The following ATP8A2 variants were observed in gnomAD, a reference collection of about 807,000 sequenced individuals.
The protein encoded by ATP8A2 is phospholipid-transporting ATPase IB.
In ATP8A2, 100 loss-of-function variants were observed where a neutral mutation model predicts 165.6. The observed-to-expected ratio is 0.60, with a 90% CI of 0.51 to 0.71. The LOEUF (loss-of-function observed/expected upper bound fraction) is 0.71, where lower values mean the gene tolerates loss of function less well. Among genes scored for constraint, ATP8A2 ranks in the 30% least tolerant of loss-of-function variants. The pLI, the probability that ATP8A2 is intolerant of heterozygous loss-of-function variation, is 0.00. For synonymous variants in ATP8A2, 543 were observed against 548.8 expected, an observed-to-expected ratio of 0.99 and a Z score of 0.15; for missense variants, 1,227 against 1,479.5, an observed-to-expected ratio of 0.83 and a Z score of 2.80.
chr13:25,554,011 A>T, intron 12 of ATP8A2, 91 bp downstream of exon 12: 1 of 1,370,222 alleles, frequency 7.3e-7, no homozygotes, highest in Non-Finnish European at 1.0e-6. Flanking sequence ...GAAGAACTAT[A>T]TTCATTTACC....
Position 25,645,482 on chromosome 13 carries a change from G to T in ATP8A2, c.2212-53691G>T, listed in dbSNP as rs554268828. ...GAGCTTAGTTTGTTCTTCTTTTTCT[G>T]TTTCCTTGAGGCATAATATTAAGTT... On this transcript the variant is annotated intron_variant, in intron 24 of 36. Transcript: ENST00000381655. Among the ~76,000 whole-genome samples the T allele has an allele frequency of 2.0e-5, 3 of 152,128 alleles. No homozygotes were observed. The South Asian group carries it at 6.2e-4, about 32-fold the overall frequency.
At chr13:25,505,264 C>T (rs1386193618) in intron 2 of ATP8A2, among the ~76,000 whole-genome samples, 1 of 151,826 alleles carries the variant, frequency 6.6e-6, no homozygotes, top group Non-Finnish European at 1.5e-5. Context: ...CTCTCTCTCT[C>T]AAGAGATCTA....
chr13:25,581,590 C>T lies in ATP8A2; in HGVS notation c.2008-229C>T, dbSNP rs116755312. Among the ~76,000 whole-genome samples the T allele has an allele frequency of 7.1e-3, 1,074 of 152,228 alleles. 16 individuals are homozygous for T. Among genetic ancestry groups the T allele is most frequent in the African/African-American group, 0.025 (1,039 of 41,536 alleles). On this transcript the variant is annotated intron_variant, in intron 22 of 36. Coordinates refer to ENST00000381655, the MANE Select transcript of ATP8A2 (RefSeq NM_016529.6). Reference sequence around the variant, plus strand: ...CTTCTATTCTAACAAGCCCCTGTATCAAGAAATCAGTGATGAGTACTGGGC... The same window carrying T: ...CTTCTATTCTAACAAGCCCCTGTATTAAGAAATCAGTGATGAGTACTGGGC...
At chr13:25,860,772 ATG>A (rs1443261994) in intron 31 of ATP8A2, 30 bp from the exon 32 acceptor site, 1 of 1,534,032 alleles carries the variant, frequency 6.5e-7, no homozygotes, top group Non-Finnish European at 8.9e-7. Flanking sequence ...ATTGAGAATA[ATG>A]TGTTTCCAAA....
At position 25,581,820 on chromosome 13, in the gene ATP8A2, A is replaced by G; in HGVS notation, c.2009A>G (p.Asn670Ser). 2 of 1,613,484 alleles carry G rather than the reference A, an allele frequency of 1.2e-6. No homozygotes were observed. The highest frequency in any genetic ancestry group is 1.7e-6 in the Non-Finnish European group (2 of 1,179,690). The stretch of plus-strand genomic sequence containing the variant: ...ACTGAGGATATTTTTTCAATGTAGA[A>G]TTTGCTGCTACTTGGAGCCACAGCC... ...LEECYEIIEK[N>S]LLLLGATAIE... The change falls in exon 23 of 37, where the codon AAT (asparagine) becomes AGT (serine). Residue 670 changes from asparagine (N) to serine (S), a missense_variant and splice_region_variant. By Grantham distance (46) the Asn-to-Ser change is conservative. This residue lies in a region of ATP8A2 where 592 missense variants were observed against 785.6 expected (regional missense o/e 0.75). Transcript: ENST00000381655.
At chr13:25,705,299 T>C (rs2043033917) in intron 25 of ATP8A2, 1 of 280,780 alleles carries the variant, frequency 3.6e-6, no homozygotes, top group South Asian at 3.3e-5. Context: ...GAATCATCAG[T>C]GACCCCCTGT....
At chr13:25,522,159 A>T (rs985630923) in intron 2 of ATP8A2, among the ~76,000 whole-genome samples, 74 of 152,136 alleles carry the variant, frequency 4.9e-4, no homozygotes, top group African/African-American at 1.8e-3. Context: ...GTGTATTAAT[A>T]GTTTTTCTTA....
intron 2 of ATP8A2, among the ~76,000 whole-genome samples, chr13:25,475,811 C>T (rs1025244493): frequency 2.0e-5 from 3 of 152,090 alleles, no homozygotes; most frequent in South Asian, 2.1e-4. Context: ...GCATGTGTGT[C>T]TTCTTTAGAA....
At chr13:25,547,426 G>C (rs2138030633) in intron 10 of ATP8A2, among the ~76,000 whole-genome samples, 1 of 152,186 alleles carries the variant, frequency 6.6e-6, no homozygotes, top group Non-Finnish European at 1.5e-5. Flanking sequence ...ACTCTGTTGT[G>C]AACTGCGCAT....
At chr13:25,831,693 A>T in intron 28 of ATP8A2, among the ~76,000 whole-genome samples, 1 of 151,652 alleles carries the variant, frequency 6.6e-6, no homozygotes. Flanking sequence ...AAGTACAAAC[A>T]TTAGCTGGGC....
chr13:25,687,499 A>AC (rs5802345), intron 24 of ATP8A2, among the ~76,000 whole-genome samples: 152,231 of 152,232 alleles, frequency 1, 76,115 homozygotes, highest in Non-Finnish European at 1. Context: ...CTGATCCCCC[A>AC]CATCCCAGCA....
chr13:25,600,362 G>C (rs895490409), intron 24 of ATP8A2, among the ~76,000 whole-genome samples: 2 of 152,200 alleles, frequency 1.3e-5, no homozygotes, highest in Non-Finnish European at 2.9e-5. Flanking sequence ...AGTGAGGAGT[G>C]TGGTTGGTAG....
chr13:26,002,714 T>C (rs1593699313), intron 35 of ATP8A2, among the ~76,000 whole-genome samples: 1 of 152,150 alleles, frequency 6.6e-6, no homozygotes, highest in East Asian at 1.9e-4. Context: ...CTTTTTAAGA[T>C]TCCATATATA....
At chr13:25,491,289 G>A (rs1371674095) in intron 2 of ATP8A2, among the ~76,000 whole-genome samples, 7 of 152,112 alleles carry the variant, frequency 4.6e-5, no homozygotes, top group African/African-American at 1.7e-4. Flanking sequence ...CATTTTGAGA[G>A]CAAGGTCCTA....
intron 1 of ATP8A2, among the ~76,000 whole-genome samples, chr13:25,392,415 A>G (rs181489719): frequency 5.9e-5 from 9 of 152,364 alleles, no homozygotes; most frequent in Admixed American, 5.2e-4. Flanking sequence ...ATGACTAAAC[A>G]GTCCCATGGA....
At chr13:25,906,866 G>A (rs1476512081) in intron 33 of ATP8A2, among the ~76,000 whole-genome samples, 3 of 152,188 alleles carry the variant, frequency 2.0e-5, no homozygotes, top group Non-Finnish European at 4.4e-5. Context: ...TAATAAGTAT[G>A]TTTTGTTAAT....
chr13:25,761,090 C>T (rs1430563752), intron 25 of ATP8A2, among the ~76,000 whole-genome samples: 1 of 152,202 alleles, frequency 6.6e-6, no homozygotes, highest in Non-Finnish European at 1.5e-5. Context: ...GACCTTAGCA[C>T]CTGTTCAACT....
chr13:25,448,346 T>G (rs1311836161), intron 1 of ATP8A2, among the ~76,000 whole-genome samples: 1 of 152,236 alleles, frequency 6.6e-6, no homozygotes, highest in African/African-American at 2.4e-5. Flanking sequence ...TGAAGAGTTT[T>G]GGCTAATATT....
chr13:25,761,430 C>T (rs923449918), intron 25 of ATP8A2, among the ~76,000 whole-genome samples: 2 of 152,066 alleles, frequency 1.3e-5, no homozygotes. Flanking sequence ...CAGAGGCATT[C>T]TATTGTGGTG....
Sources: gnomAD v4.1 joint callset for allele counts (sites outside exome capture counted in the v4.1 genomes callset) on GRCh38, gnomAD v4.1.1 for gene constraint, gnomAD v4.1.1 regional missense constraint, MANE v1.5 for transcripts, NCBI Gene and HGNC (gene_info 2026-07-23, HGNC 2026-07-21) for gene names.